The following KIF26B variants were observed in gnomAD, a reference collection of about 807,000 sequenced individuals.
The protein encoded by KIF26B is kinesin-like protein KIF26B.
Under a neutral mutation model 151.2 loss-of-function variants are expected in KIF26B, and 63 were observed. The ratio of observed to expected loss-of-function variants is 0.42; its 90% CI spans 0.34 to 0.51. The LOEUF (loss-of-function observed/expected upper bound fraction) is 0.51. Ranked by LOEUF, KIF26B falls within the 20% of genes least tolerant of loss-of-function variation. KIF26B has a pLI of 0.07. For synonymous variants in KIF26B, 1,357 were observed against 1,262.1 expected, an observed-to-expected ratio of 1.08 and a Z score of -1.59; for missense variants, 2,813 against 2,913.6, an observed-to-expected ratio of 0.97 and a Z score of 0.79.
chr1:245,494,435 C>T (rs573911317), intron 4 of KIF26B, among the ~76,000 whole-genome samples: 2 of 152,236 alleles, frequency 1.3e-5, no homozygotes, highest in East Asian at 3.9e-4. Flanking sequence ...AGTAGACAAG[C>T]GATACAAAAT....
intron 4 of KIF26B, among the ~76,000 whole-genome samples, chr1:245,439,977 T>C (rs774562444): frequency 6.6e-6 from 1 of 152,166 alleles, no homozygotes; most frequent in African/African-American, 2.4e-5. Context: ...ATCCCAGCAC[T>C]TGGGGAGGCC....
intron 12 of KIF26B, among the ~76,000 whole-genome samples, chr1:245,696,118 T>A (rs948422700): frequency 1.3e-5 from 2 of 152,240 alleles, no homozygotes; most frequent in Non-Finnish European, 2.9e-5. Context: ...CCTTGTGTAG[T>A]CCCCTCCCGT....
chr1:245,288,726 AG>A (rs1325081674), intron 2 of KIF26B, among the ~76,000 whole-genome samples: 3 of 152,200 alleles, frequency 2.0e-5, no homozygotes, highest in Admixed American at 6.5e-5. Context: ...TACCATGCAT[AG>A]GTTTGTGAAT....
At chr1:245,607,784 TC>T in intron 7 of KIF26B, 40 bp downstream of exon 7, 1 of 1,475,148 alleles carries the variant, frequency 6.8e-7, no homozygotes, top group South Asian at 1.2e-5. Context: ...CTCGTTGAGC[TC>T]CCTGTCATCC....
chr1:245,569,927 ATTTTTTTTTTTT>A (rs869238168), intron 5 of KIF26B, among the ~76,000 whole-genome samples: 1 of 47,652 alleles, frequency 2.1e-5, no homozygotes, highest in Non-Finnish European at 3.7e-5. Context: ...TAAATAGAGA[ATTTTTTTTTTTT>A]TTTTTTTTTT....
At chr1:245,630,766 A>T (rs2043772751) in intron 9 of KIF26B, among the ~76,000 whole-genome samples, 1 of 152,062 alleles carries the variant, frequency 6.6e-6, no homozygotes, top group Admixed American at 6.6e-5. Context: ...TAAATAAATA[A>T]TATTAACTCT....
intron 4 of KIF26B, among the ~76,000 whole-genome samples, chr1:245,479,326 C>G (rs1277082020): frequency 6.6e-6 from 1 of 151,894 alleles, no homozygotes; most frequent in Non-Finnish European, 1.5e-5. Context: ...CGCAGATAAG[C>G]TTCTCCAGAA....
At chr1:245,414,437 G>A (rs543631262) in intron 3 of KIF26B, among the ~76,000 whole-genome samples, 9 of 152,312 alleles carry the variant, frequency 5.9e-5, no homozygotes, top group Non-Finnish European at 1.2e-4. Flanking sequence ...GGGAGTTCAC[G>A]GTAGGGGCCT....
intron 2 of KIF26B, among the ~76,000 whole-genome samples, chr1:245,173,476 G>A (rs561553295): frequency 1.3e-5 from 2 of 152,276 alleles, no homozygotes; most frequent in South Asian, 4.2e-4. Flanking sequence ...GGGTAATCAT[G>A]GTAATACGTA....
intron 2 of KIF26B, among the ~76,000 whole-genome samples, chr1:245,237,530 GGATGGT>G (rs1457675647): frequency 1.3e-5 from 2 of 152,142 alleles, no homozygotes; most frequent in Non-Finnish European, 2.9e-5. Context: ...GTACCCTGGT[GGATGGT>G]GATGCTGCAG....
At chr1:245,532,248 C>CTTTTTTT (rs74163062) in intron 4 of KIF26B, among the ~76,000 whole-genome samples, 24 of 121,484 alleles carry the variant, frequency 2.0e-4, no homozygotes, top group Non-Finnish European at 2.8e-4. Flanking sequence ...CTTTTCTTTT[C>CTTTTTTT]TTTTTTTTTT....
chr1:245,504,817 A>T (rs1271784611), intron 4 of KIF26B, among the ~76,000 whole-genome samples: 2 of 152,218 alleles, frequency 1.3e-5, no homozygotes, highest in African/African-American at 2.4e-5. Context: ...CCTCGTAGAA[A>T]GCAGGGAGCA....
chr1:245,679,188 A>G (rs906972182), intron 10 of KIF26B, among the ~76,000 whole-genome samples: 1 of 152,196 alleles, frequency 6.6e-6, no homozygotes, highest in Non-Finnish European at 1.5e-5. Context: ...AAGTAGCCAC[A>G]GACACTATGT....
chr1:245,672,662 C>G (rs2044302367), intron 10 of KIF26B, among the ~76,000 whole-genome samples: 1 of 152,006 alleles, frequency 6.6e-6, no homozygotes, highest in Admixed American at 6.6e-5. Context: ...CTTGCATAGT[C>G]TATTTTATTT....
intron 4 of KIF26B, among the ~76,000 whole-genome samples, chr1:245,518,877 G>A (rs1661026759): frequency 6.6e-6 from 1 of 152,170 alleles, no homozygotes; most frequent in South Asian, 2.1e-4. Flanking sequence ...AAGAGTCCAT[G>A]AGCTAGTTAG....
intron 14 of KIF26B, among the ~76,000 whole-genome samples, chr1:245,701,943 T>C (rs1230118476): frequency 1.3e-5 from 2 of 152,214 alleles, no homozygotes; most frequent in African/African-American, 4.8e-5. Context: ...ATACCTGCTC[T>C]TCAGGCCTGG....
intron 10 of KIF26B, among the ~76,000 whole-genome samples, chr1:245,662,707 A>G (rs1260942152): frequency 3.9e-4 from 9 of 23,134 alleles, no homozygotes; most frequent in African/African-American, 9.6e-4. Context: ...TATAAACCCA[A>G]TGATACATAT....
chr1:245,211,404 G>A (rs1343315294), intron 2 of KIF26B, among the ~76,000 whole-genome samples: 3 of 152,140 alleles, frequency 2.0e-5, no homozygotes, highest in Non-Finnish European at 2.9e-5. Flanking sequence ...GCTGGAGGCC[G>A]GCTTTGCAAA....
intron 5 of KIF26B, among the ~76,000 whole-genome samples, chr1:245,545,569 G>C (rs1661725629): frequency 6.6e-6 from 1 of 152,094 alleles, no homozygotes; most frequent in Non-Finnish European, 1.5e-5. Context: ...CCAATATGAA[G>C]GACAATCTGA....
Sources: allele counts gnomAD v4.1 joint callset (sites outside exome capture counted in the v4.1 genomes callset), GRCh38; gene constraint gnomAD v4.1.1; transcripts MANE v1.5; gene names NCBI Gene and HGNC (gene_info 2026-07-23, HGNC 2026-07-21).